Variants in SLC2A14 observed in about 807,000 individuals in gnomAD.
SLC2A14 encodes the protein solute carrier family 2 member 14, also known as solute carrier family 2, facilitated glucose transporter member 14.
A neutral mutation model predicts 43.0 loss-of-function variants in SLC2A14; 13 were observed. The observed-to-expected ratio is 0.30, with a 90% confidence interval of 0.20 to 0.48. The LOEUF is 0.48. SLC2A14 is among the 20% of genes least tolerant of loss of function. The pLI is 0.99. For missense variants in SLC2A14, 428 were observed against 620.4 expected (o/e 0.69, Z 3.29); for synonymous variants, 190 against 233.8 (o/e 0.81, Z 1.71).
At chr12:7,863,502 C>A in intron 2 of SLC2A14, 1 of 427,286 alleles carries the variant, frequency 2.3e-6, no homozygotes, top group Non-Finnish European at 4.7e-6. Flanking sequence ...TGGTGCATGC[C>A]TGTAGTCCCA....
upstream of SLC2A14, among the ~76,000 whole-genome samples, chr12:7,874,411 T>C (rs781569869): frequency 6.6e-6 from 1 of 152,016 alleles, no homozygotes; most frequent in Non-Finnish European, 1.5e-5. Context: ...CAGTGGCTCA[T>C]GCCTGTAATC....
chr12:7,859,727 G>A (rs1346306863), intron 2 of SLC2A14, among the ~76,000 whole-genome samples: 1 of 152,130 alleles, frequency 6.6e-6, no homozygotes, highest in Non-Finnish European at 1.5e-5. Context: ...ACAATATCCT[G>A]ATGGCATGCA....
At chr12:7,859,950 T>C (rs1434120730) in intron 2 of SLC2A14, among the ~76,000 whole-genome samples, 3 of 152,130 alleles carry the variant, frequency 2.0e-5, no homozygotes, top group Non-Finnish European at 4.4e-5. Flanking sequence ...GAAATAGACT[T>C]GGAAAGATAA....
intron 2 of SLC2A14, among the ~76,000 whole-genome samples, chr12:7,845,702 C>T (rs759095811): frequency 6.7e-6 from 1 of 150,320 alleles, no homozygotes; most frequent in East Asian, 2.0e-4. Context: ...TGGCATGAAC[C>T]CGGGAGGCAG....
At chr12:7,882,222 C>T (rs117155360) in intron 1 of SLC2A14, among the ~76,000 whole-genome samples, 2,350 of 151,954 alleles carry the variant, frequency 0.015, 37 homozygotes, top group Non-Finnish European at 0.026. Context: ...ACCAGAAGCC[C>T]ACCGGGAGAA....
intron 2 of SLC2A14, among the ~76,000 whole-genome samples, chr12:7,857,789 T>G (rs1592268488): frequency 6.6e-6 from 1 of 151,954 alleles, no homozygotes; most frequent in Non-Finnish European, 1.5e-5. Context: ...GCTTCCCAAG[T>G]AGCTGGGATT....
upstream of SLC2A14, among the ~76,000 whole-genome samples, chr12:7,876,784 T>C (rs1330331437): frequency 6.6e-6 from 1 of 151,864 alleles, no homozygotes; most frequent in East Asian, 1.9e-4. Flanking sequence ...GCCAGGAAAG[T>C]TCTGGGTGCA....
chr12:7,853,139 G>A (rs1321107740), intron 2 of SLC2A14, among the ~76,000 whole-genome samples: 1 of 151,970 alleles, frequency 6.6e-6, no homozygotes, highest in Non-Finnish European at 1.5e-5. Context: ...ACACACTAAT[G>A]ACAATAAGAA....
chr12:7,867,947 G>T (rs1258773240), intron 2 of SLC2A14, among the ~76,000 whole-genome samples: 1 of 148,172 alleles, frequency 6.7e-6, no homozygotes. Context: ...CAAATATTAC[G>T]TAAATTTAGT....
Position 7,832,793 on chromosome 12 carries a change from C to T in SLC2A14, c.40G>A (p.Ala14Thr), listed in dbSNP as rs1271137485. 6.2e-7 allele frequency: 1 copy of T among 1,613,952 alleles called. No homozygotes were observed. The highest frequency in any genetic ancestry group is 1.3e-5 in the African/African-American group (1 of 74,900). ...GAGCCGATTGTAGCAACTGTGATGG[C>T]AAAGATCAGAGCTGGGGTGACCTGG... ...RQNVTPALIF[A>T]ITVATIGSFQ... The change falls in exon 3 of 11, where the codon GCC becomes ACC. Residue 14 changes from alanine (A) to threonine (T), a missense_variant. Transcript: ENST00000431042.
At position 7,817,801 on chromosome 12, in the gene SLC2A14, T is replaced by C. The variant is rs1317757356; in HGVS notation, c.1275+30A>G. Reference sequence around the variant, plus strand: ...ATAGACAGATACATAGATAGATACATAGATACATAGATAAGGTGAGTTTAC... The same window carrying C: ...ATAGACAGATACATAGATAGATACACAGATACATAGATAAGGTGAGTTTAC... On this transcript the variant is annotated intron_variant, in intron 10 of 10. Transcript: ENST00000431042. The C allele has an allele frequency of 1.0e-5, 15 of 1,475,824 alleles. 1 individual carries two copies. Among genetic ancestry groups the C allele is most frequent in the Middle Eastern group, 1.7e-4 (1 of 5,732 alleles). 91.4% of individuals were successfully genotyped at this position (1,475,824 alleles called of 1,614,324 possible).
At position 7,825,836 on chromosome 12, in the gene SLC2A14, G is replaced by A. The variant is rs771217420; in HGVS notation, c.864+1659C>T. ...TGCACATACCACTCTGAAGTGGGAG[G>A]AGTCTGTTCCTCAGAATGCTCATGG... On this transcript the variant is annotated intron_variant, in intron 7 of 10. Transcript: ENST00000431042. Among the ~76,000 whole-genome samples, 3 of 151,448 alleles carry A rather than the reference G, an allele frequency of 2.0e-5. No homozygotes were observed. The East Asian group carries it at 5.8e-4, about 29-fold the overall frequency.
chr12:7,857,887 G>T (rs1194367742), intron 2 of SLC2A14, among the ~76,000 whole-genome samples: 1 of 152,068 alleles, frequency 6.6e-6, no homozygotes, highest in Non-Finnish European at 1.5e-5. Context: ...ACTTTGGGAG[G>T]CCAAGGCAGG....
At chr12:7,826,971 C>T (rs1379340037) in intron 7 of SLC2A14, among the ~76,000 whole-genome samples, 1 of 36,754 alleles carries the variant, frequency 2.7e-5, no homozygotes, top group Non-Finnish European at 5.1e-5. Flanking sequence ...CTCTTTCTCT[C>T]TCTCTTTCTC....
At chr12:7,880,078 G>C (rs919472258) in intron 1 of SLC2A14, among the ~76,000 whole-genome samples, 4 of 151,744 alleles carry the variant, frequency 2.6e-5, no homozygotes, top group African/African-American at 9.7e-5. Context: ...CGAGGCGGGT[G>C]GATCACCTGA....
intron 2 of SLC2A14, among the ~76,000 whole-genome samples, chr12:7,844,075 A>G (rs1362266986): frequency 6.6e-6 from 1 of 152,176 alleles, no homozygotes; most frequent in Non-Finnish European, 1.5e-5. Context: ...ATTCACAGGC[A>G]TAACCATTAA....
At chr12:7,840,857 C>T (rs1233688929) in intron 2 of SLC2A14, among the ~76,000 whole-genome samples, 1 of 152,156 alleles carries the variant, frequency 6.6e-6, no homozygotes, top group African/African-American at 2.4e-5. Context: ...AAGGTTTTGG[C>T]TGGAGCAACT....
At chr12:7,838,662 T>A (rs74061612) in intron 2 of SLC2A14, among the ~76,000 whole-genome samples, 4,554 of 152,302 alleles carry the variant, frequency 0.03, 210 homozygotes, top group African/African-American at 0.1. Flanking sequence ...TTGGAACTCA[T>A]GCTGGAATGG....
intron 1 of SLC2A14, chr12:7,870,881 C>G (rs1592314646): frequency 6.8e-5 from 17 of 250,518 alleles, no homozygotes; most frequent in African/African-American, 1.4e-4. Context: ...AAGCCAAGAC[C>G]ACCAAGAAGC....
Sources: allele counts gnomAD v4.1 joint callset (sites outside exome capture counted in the v4.1 genomes callset), GRCh38; gene constraint gnomAD v4.1.1; transcripts MANE v1.5; gene names NCBI Gene and HGNC (gene_info 2026-07-23, HGNC 2026-07-21).